The following GRIA2 variants were observed in gnomAD, a reference collection of about 807,000 sequenced individuals.
GRIA2 encodes the protein glutamate receptor 2.
A neutral mutation model predicts 97.3 loss-of-function variants in GRIA2; 14 were observed. That is an observed-to-expected ratio of 0.14 (90% CI 0.10 to 0.23). GRIA2 has a LOEUF of 0.23. Among genes scored for constraint, GRIA2 ranks in the 10% least tolerant of loss-of-function variants. The pLI is 1.00. For synonymous variants in GRIA2, 412 were observed against 387.8 expected (o/e 1.06, Z -0.73); for missense variants, 558 against 1,069.8 (o/e 0.52, Z 6.67).
chr4:157,290,185 G>T (rs1405493578), intron 2 of GRIA2, among the ~76,000 whole-genome samples: 2 of 151,798 alleles, frequency 1.3e-5, no homozygotes, highest in African/African-American at 4.8e-5. Context: ...TTAAGTGGTA[G>T]ATTTTGGTCA....
chr4:157,294,564 CAG>C (rs1733256412), intron 2 of GRIA2, among the ~76,000 whole-genome samples: 2 of 152,066 alleles, frequency 1.3e-5, no homozygotes, highest in Admixed American at 6.6e-5. Flanking sequence ...AGTAATAAAA[CAG>C]AGAATGATAT....
intron 2 of GRIA2, among the ~76,000 whole-genome samples, chr4:157,277,340 A>T (rs1051845606): frequency 6.6e-6 from 1 of 151,960 alleles, no homozygotes; most frequent in Admixed American, 6.6e-5. Context: ...GCATTCATTC[A>T]TGATAATGAT....
intron 2 of GRIA2, among the ~76,000 whole-genome samples, chr4:157,234,331 T>C (rs1030154447): frequency 3.9e-5 from 6 of 152,076 alleles, no homozygotes; most frequent in African/African-American, 1.4e-4. Context: ...ATTTTCAAAA[T>C]AATAAACTTC....
chr4:157,262,829 A>G (rs1731605716), intron 2 of GRIA2, among the ~76,000 whole-genome samples: 1 of 152,030 alleles, frequency 6.6e-6, no homozygotes. Context: ...AAAACTTCTT[A>G]GGGAAACCAC....
chr4:157,236,922 G>C (rs1730278022), intron 2 of GRIA2, among the ~76,000 whole-genome samples: 1 of 152,022 alleles, frequency 6.6e-6, no homozygotes, highest in African/African-American at 2.4e-5. Flanking sequence ...GTTTTACCCA[G>C]CTTTGTGTCT....
intron 2 of GRIA2, among the ~76,000 whole-genome samples, chr4:157,255,154 AG>A (rs944519046): frequency 2.6e-5 from 4 of 151,908 alleles, no homozygotes; most frequent in African/African-American, 9.7e-5. Flanking sequence ...CTTATAAATA[AG>A]GTCATGTAGT....
intron 12 of GRIA2, among the ~76,000 whole-genome samples, chr4:157,343,466 T>C (rs1317699108): frequency 1.3e-5 from 2 of 152,064 alleles, no homozygotes; most frequent in Non-Finnish European, 2.9e-5. Flanking sequence ...AATCTCTGGA[T>C]TTACTTCACT....
chr4:157,270,636 C>T (rs534866978), intron 2 of GRIA2, among the ~76,000 whole-genome samples: 1 of 152,192 alleles, frequency 6.6e-6, no homozygotes, highest in East Asian at 1.9e-4. Context: ...CCAACTCATA[C>T]TCTGGCTGGA....
At chr4:157,354,512 AG>A (rs1448254649) in intron 12 of GRIA2, among the ~76,000 whole-genome samples, 1 of 152,174 alleles carries the variant, frequency 6.6e-6, no homozygotes, top group Non-Finnish European at 1.5e-5. Context: ...CCATGGAAAA[AG>A]ATTTGAATAG....
rs905825811 is a variant in GRIA2 at position 157,228,019 on chromosome 4, A to T, written c.229+6212A>T. On this transcript the variant is annotated intron_variant, in intron 2 of 15. Transcript: ENST00000264426. ...TTATTTTTCAGTGCTATTCAATTTA[A>T]AAGTTTTTTGTCATCTTTGATAATT... 6.6e-5 allele frequency among the ~76,000 whole-genome samples: 10 copies of T among 152,212 alleles called. No individual in the cohort carries two copies. In the South Asian group the frequency reaches 1.0e-3, roughly 16 times the overall value.
At chr4:157,355,901 A>AT (rs1560781006) in intron 12 of GRIA2, among the ~76,000 whole-genome samples, 1 of 2,674 alleles carries the variant, frequency 3.7e-4, no homozygotes, top group Non-Finnish European at 1.8e-3. Flanking sequence ...ATTTATATAT[A>AT]AATATATATA....
chr4:157,269,160 A>G (rs1286398953), intron 2 of GRIA2, among the ~76,000 whole-genome samples: 3 of 151,962 alleles, frequency 2.0e-5, no homozygotes, highest in African/African-American at 7.2e-5. Context: ...AATAACTCTC[A>G]TGCTATTTGA....
At chr4:157,320,279 G>A (rs1734501931) in intron 5 of GRIA2, among the ~76,000 whole-genome samples, 1 of 152,006 alleles carries the variant, frequency 6.6e-6, no homozygotes, top group Admixed American at 6.6e-5. Flanking sequence ...TGGGTGAGAA[G>A]ATAAATGGTT....
At chr4:157,252,281 G>A (rs1031613374) in intron 2 of GRIA2, among the ~76,000 whole-genome samples, 11 of 152,074 alleles carry the variant, frequency 7.2e-5, no homozygotes, top group African/African-American at 2.7e-4. Context: ...TTGTGACTGC[G>A]AGCCGACTGG....
intron 2 of GRIA2, among the ~76,000 whole-genome samples, chr4:157,267,391 CA>C (rs772189197): frequency 0.023 from 1,208 of 51,820 alleles, 6 homozygotes; most frequent in East Asian, 0.059. Context: ...GACTCCATCT[CA>C]AAAAAAAAAA....
intron 2 of GRIA2, among the ~76,000 whole-genome samples, chr4:157,300,686 T>A (rs961431018): frequency 2.6e-5 from 4 of 151,454 alleles, no homozygotes; most frequent in African/African-American, 9.7e-5. Context: ...CCAAAGAGAG[T>A]CAGGAGAGAA....
chr4:157,246,096 C>T (rs895504779), intron 2 of GRIA2, among the ~76,000 whole-genome samples: 3 of 152,050 alleles, frequency 2.0e-5, no homozygotes, highest in Non-Finnish European at 4.4e-5. Flanking sequence ...GATAATGCAT[C>T]TCACTTCATA....
intron 2 of GRIA2, among the ~76,000 whole-genome samples, chr4:157,222,862 C>G (rs954306222): frequency 6.6e-6 from 1 of 152,214 alleles, no homozygotes; most frequent in Non-Finnish European, 1.5e-5. Flanking sequence ...CTCCGGTCCC[C>G]GCGCTCGCTC....
At chr4:157,237,301 T>G (rs1730296625) in intron 2 of GRIA2, among the ~76,000 whole-genome samples, 1 of 151,906 alleles carries the variant, frequency 6.6e-6, no homozygotes, top group African/African-American at 2.4e-5. Flanking sequence ...TTTTTTTTTT[T>G]TTTTTAATTT....
Sources: allele counts gnomAD v4.1 joint callset (sites outside exome capture counted in the v4.1 genomes callset), GRCh38; gene constraint gnomAD v4.1.1; transcripts MANE v1.5; gene names NCBI Gene and HGNC (gene_info 2026-07-23, HGNC 2026-07-21).